Variants in MALRD1 observed in about 807,000 individuals in gnomAD.
MALRD1 encodes MAM and LDL-receptor class A domain-containing protein 1.
In MALRD1, 247 loss-of-function variants were observed where a neutral mutation model predicts 242.1. The observed-to-expected ratio is 1.02, with a 90% CI of 0.92 to 1.13. The LOEUF (loss-of-function observed/expected upper bound fraction) is 1.13, where lower values mean the gene tolerates loss of function less well. Among genes scored for constraint, MALRD1 ranks in the 50% most tolerant of loss-of-function variants. The pLI is 0.00. For missense variants in MALRD1, 2,989 were observed against 2,533.1 expected (o/e 1.18, Z -3.86); for synonymous variants, 995 against 866.6 (o/e 1.15, Z -2.60).
chr10:19,237,056 T>C (rs1321965173), intron 18 of MALRD1, among the ~76,000 whole-genome samples: 1 of 152,070 alleles, frequency 6.6e-6, no homozygotes, highest in East Asian at 1.9e-4. Context: ...GATGTTTCAA[T>C]GAATATGTAT....
At chr10:19,717,635 A>G (rs1305436112) in intron 38 of MALRD1, among the ~76,000 whole-genome samples, 1 of 152,166 alleles carries the variant, frequency 6.6e-6, no homozygotes, top group Non-Finnish European at 1.5e-5. Flanking sequence ...GATCCTTGGA[A>G]GGTGTCTTAG....
At chr10:19,331,888 G>A (rs1326039533) in intron 24 of MALRD1, among the ~76,000 whole-genome samples, 1 of 152,098 alleles carries the variant, frequency 6.6e-6, no homozygotes, top group Non-Finnish European at 1.5e-5. Flanking sequence ...GTTTTTTTGA[G>A]ACGGAATCTC....
intron 21 of MALRD1, among the ~76,000 whole-genome samples, chr10:19,293,637 C>T (rs1004964401): frequency 2.0e-5 from 3 of 151,960 alleles, no homozygotes; most frequent in Non-Finnish European, 2.9e-5. Context: ...TCATATTTAG[C>T]GAACTATAAT....
At chr10:19,221,813 T>A (rs1258175310) in intron 18 of MALRD1, among the ~76,000 whole-genome samples, 7 of 152,190 alleles carry the variant, frequency 4.6e-5, no homozygotes, top group Non-Finnish European at 1.0e-4. Context: ...TCCTGATGAT[T>A]AATGTGGACT....
intron 18 of MALRD1, among the ~76,000 whole-genome samples, chr10:19,227,916 T>C (rs940808537): frequency 2.6e-5 from 4 of 152,166 alleles, no homozygotes; most frequent in African/African-American, 9.7e-5. Flanking sequence ...CACATTGAGA[T>C]ACCACTGTAC....
intron 2 of MALRD1, among the ~76,000 whole-genome samples, chr10:19,072,927 T>G (rs1395390577): frequency 6.6e-6 from 1 of 152,126 alleles, no homozygotes; most frequent in Non-Finnish European, 1.5e-5. Flanking sequence ...CCCTTTTTTT[T>G]CTGGTTAGAC....
intron 31 of MALRD1, among the ~76,000 whole-genome samples, chr10:19,500,697 C>T (rs187484769): frequency 1.3e-5 from 2 of 152,274 alleles, no homozygotes; most frequent in African/African-American, 2.4e-5. Flanking sequence ...ATTTTGGCCT[C>T]TTGGACATAG....
chr10:19,561,222 A>C (rs755159544), intron 32 of MALRD1, among the ~76,000 whole-genome samples: 2 of 152,160 alleles, frequency 1.3e-5, no homozygotes, highest in Non-Finnish European at 2.9e-5. Context: ...TAAATTTGCT[A>C]CAGTTTGTTT....
At chr10:19,157,467 T>TC (rs958201259) in intron 12 of MALRD1, among the ~76,000 whole-genome samples, 3 of 152,056 alleles carry the variant, frequency 2.0e-5, no homozygotes, top group African/African-American at 7.2e-5. Flanking sequence ...CAGGATGGTC[T>TC]CGATCTCCTG....
At chr10:19,306,041 ATAG>A (rs1384397436) in intron 21 of MALRD1, among the ~76,000 whole-genome samples, 2 of 110,866 alleles carry the variant, frequency 1.8e-5, no homozygotes, top group East Asian at 4.7e-4. Context: ...TATATATTAT[ATAG>A]TATACAATTT....
At chr10:19,539,744 T>C (rs1052806663) in intron 32 of MALRD1, among the ~76,000 whole-genome samples, 11 of 151,816 alleles carry the variant, frequency 7.2e-5, no homozygotes, top group African/African-American at 2.7e-4. Flanking sequence ...TGGAGTGCAG[T>C]GGTGCAGTCT....
chr10:19,705,906 C>T (rs887775144), intron 38 of MALRD1, among the ~76,000 whole-genome samples: 1 of 151,284 alleles, frequency 6.6e-6, no homozygotes, highest in African/African-American at 2.4e-5. Context: ...TACCCCTTAC[C>T]CTTTTTCCAG....
chr10:19,639,635 A>C (rs1299561718), intron 36 of MALRD1, among the ~76,000 whole-genome samples: 1 of 152,216 alleles, frequency 6.6e-6, no homozygotes, highest in Non-Finnish European at 1.5e-5. Flanking sequence ...GAAATGACAG[A>C]TACAAATGAT....
intron 29 of MALRD1, among the ~76,000 whole-genome samples, chr10:19,452,604 T>C (rs577463235): frequency 1.3e-5 from 2 of 152,240 alleles, no homozygotes; most frequent in African/African-American, 4.8e-5. Context: ...ATAGAAAACA[T>C]GAAAAAATTA....
chr10:19,683,086 G>A (rs567265724), intron 36 of MALRD1, among the ~76,000 whole-genome samples: 40 of 151,610 alleles, frequency 2.6e-4, no homozygotes, highest in African/African-American at 9.2e-4. Flanking sequence ...TTGAGGCCAC[G>A]TAGTTCAAGA....
At chr10:19,331,074 G>A (rs1843340709) in intron 23 of MALRD1, among the ~76,000 whole-genome samples, 2 of 152,102 alleles carry the variant, frequency 1.3e-5, no homozygotes, top group Non-Finnish European at 2.9e-5. Flanking sequence ...AGCTGGCAAA[G>A]GCAGTAGTGG....
At chr10:19,424,045 C>T (rs529546289) in intron 28 of MALRD1, among the ~76,000 whole-genome samples, 24 of 152,260 alleles carry the variant, frequency 1.6e-4, no homozygotes, top group African/African-American at 5.8e-4. Context: ...GAAAAAAAGA[C>T]TCAATTTGTT....
chr10:19,377,583 A>G (rs934306659), intron 26 of MALRD1, among the ~76,000 whole-genome samples: 30 of 152,108 alleles, frequency 2.0e-4, no homozygotes, highest in Admixed American at 9.2e-4. Context: ...AATAAGATAC[A>G]TAAAATTCTT....
intron 28 of MALRD1, among the ~76,000 whole-genome samples, chr10:19,434,057 T>C (rs1463095274): frequency 6.6e-6 from 1 of 152,134 alleles, no homozygotes; most frequent in Non-Finnish European, 1.5e-5. Flanking sequence ...GATTACTAAG[T>C]ATGCTTTCTA....
Sources: allele counts gnomAD v4.1 joint callset (sites outside exome capture counted in the v4.1 genomes callset), GRCh38; gene constraint gnomAD v4.1.1; transcripts MANE v1.5; gene names NCBI Gene and HGNC (gene_info 2026-07-23, HGNC 2026-07-21).